HPN: variants seen among roughly 807,000 people sequenced by gnomAD.
The protein encoded by HPN is serine protease hepsin.
HPN carries 13 observed loss-of-function variants against 55.9 expected under a neutral mutation model. The observed-to-expected ratio is 0.23, with a 90% CI of 0.15 to 0.37. HPN has a LOEUF of 0.37. Ranked by LOEUF, HPN falls within the 10% of genes least tolerant of loss-of-function variation. The pLI is 1.00. For synonymous variants in HPN, 225 were observed against 240.3 expected (o/e 0.94, Z 0.59); for missense variants, 451 against 575.8 (o/e 0.78, Z 2.22).
Position 35,041,777 on chromosome 19 carries a change from C to G in HPN, c.-150C>G, listed in dbSNP as rs748094913. On this transcript the variant is annotated 5_prime_UTR_variant, in exon 1 of 13. Transcript: ENST00000672452. The stretch of plus-strand genomic sequence containing the variant: ...CCACCGCCTCTGCCTCCAGGCCGCC[C>G]GCTGCTGCGGGGCCACCATGCTCCT... The G allele has an allele frequency of 7.6e-7, 1 of 1,314,312 alleles. No homozygotes were observed. Among genetic ancestry groups the G allele is most frequent in the Admixed American group, 2.1e-5 (1 of 47,926 alleles). 81.4% of individuals were successfully genotyped at this position (1,314,312 alleles called of 1,614,324 possible).
At chr19:35,054,724 T>G (rs2064438439) in intron 4 of HPN, among the ~76,000 whole-genome samples, 1 of 152,162 alleles carries the variant, frequency 6.6e-6, no homozygotes, top group South Asian at 2.1e-4. Context: ...AGCCTCAGCT[T>G]CCCCGTCTGG....
At chr19:35,064,318 G>GTCTCTCTCTC (rs10577478) in intron 9 of HPN, among the ~76,000 whole-genome samples, 51 of 150,390 alleles carry the variant, frequency 3.4e-4, no homozygotes, top group African/African-American at 1.2e-3. Flanking sequence ...AGATAGGAGT[G>GTCTCTCTCTC]TCTCTCTCTC....
rs1205391818 is a variant in HPN, at chr19:35,041,781, G to A, written c.-146G>A. ...CGCCTCTGCCTCCAGGCCGCCCGCT[G>A]CTGCGGGGCCACCATGCTCCTGCCC... is the stretch of plus-strand genomic sequence containing the variant. On this transcript the variant is annotated 5_prime_UTR_variant, in exon 1 of 13. Transcript: ENST00000672452. 1 of 1,318,478 alleles carries A rather than the reference G, an allele frequency of 7.6e-7. No homozygotes were observed. Among genetic ancestry groups the A allele is most frequent in the South Asian group, 1.2e-5 (1 of 83,674 alleles). 81.7% of individuals were successfully genotyped at this position (1,318,478 alleles called of 1,614,324 possible).
chr19:35,050,131 G>C (rs1193338676), intron 4 of HPN, among the ~76,000 whole-genome samples: 1 of 151,882 alleles, frequency 6.6e-6, no homozygotes, highest in South Asian at 2.1e-4. Context: ...TTGTTTGTTT[G>C]TTTTAAAAAA....
intron 9 of HPN, among the ~76,000 whole-genome samples, chr19:35,063,593 CAGCTACTCTGGAGGCAGAGGCAGGAG>C (rs1270960980): frequency 6.6e-6 from 1 of 152,194 alleles, no homozygotes; most frequent in Non-Finnish European, 1.5e-5. Context: ...CCTGTAGTCT[CAGCTACTCTGGAGGCAGAGGCAGGAG>C]AATCACTTGA....
At position 35,059,961 on chromosome 19, in the gene HPN, C is replaced by T. The variant is rs1192391381; in HGVS notation, c.378C>T (p.Pro126=). 2 of 1,552,256 alleles carry T rather than the reference C, an allele frequency of 1.3e-6. No individual in the cohort carries two copies. The highest frequency in any genetic ancestry group is 2.3e-5 in the East Asian group (1 of 44,298). Residue 126 remains proline (P), a synonymous_variant, in exon 6 of 13, where the codon CCC becomes CCT. Coordinates refer to ENST00000672452, the MANE Select transcript of HPN (RefSeq NM_001384133.1). The stretch of plus-strand genomic sequence containing the variant: ...TCTGTGTGGACGAGGGGAGGCTGCC[C>T]CACACCCAGAGGCTGCTGGAGGTCA... ...GFFCVDEGRL[P]HTQRLLEVIS...
chr19:35,049,987 C>G (rs754472068), intron 4 of HPN, among the ~76,000 whole-genome samples: 1 of 151,798 alleles, frequency 6.6e-6, no homozygotes, highest in Non-Finnish European at 1.5e-5. Flanking sequence ...CAGCAGTTTG[C>G]CCCAGACTAC....
chr19:35,041,388 G>A (rs1600373463), upstream of HPN, among the ~76,000 whole-genome samples: 1 of 152,238 alleles, frequency 6.6e-6, no homozygotes, highest in East Asian at 1.9e-4. Context: ...CGCAGAAAGG[G>A]CGGGGGGAAG....
At chr19:35,046,671 G>C (rs2064345370) in intron 2 of HPN, among the ~76,000 whole-genome samples, 2 of 152,238 alleles carry the variant, frequency 1.3e-5, no homozygotes, top group African/African-American at 4.8e-5. Context: ...GGGTGCAGAT[G>C]GGCGAGCTGG....
chr19:35,060,537 T>C (rs1159274671), intron 8 of HPN, 25 bp downstream of exon 8: 2 of 1,611,838 alleles, frequency 1.2e-6, no homozygotes, highest in South Asian at 1.1e-5. Flanking sequence ...ATGGCGCTGA[T>C]GATGGGGAGG....
intron 11 of HPN, 53 bp from the exon 12 acceptor site, chr19:35,065,815 G>A (rs1399973024): frequency 1.2e-6 from 2 of 1,605,352 alleles, no homozygotes; most frequent in Non-Finnish European, 1.7e-6. Context: ...CCCGGGGTGG[G>A]CCTCCTGTCC....
intron 2 of HPN, among the ~76,000 whole-genome samples, chr19:35,044,005 A>G (rs1022156569): frequency 2.6e-5 from 4 of 152,170 alleles, no homozygotes. Context: ...ACAGATGCTG[A>G]AGGGTTCCGA....
intron 4 of HPN, among the ~76,000 whole-genome samples, chr19:35,053,473 C>T (rs750252777): frequency 1.3e-5 from 2 of 150,300 alleles, no homozygotes; most frequent in East Asian, 2.0e-4. Context: ...CAGGCCAGGC[C>T]GGTGCGGTGG....
chr19:35,059,698 G>A lies in HPN; in HGVS notation c.186G>A (p.Arg62=). Residue 62 remains arginine (R), a synonymous_variant, in exon 5 of 13, where the codon CGG becomes CGA. Coordinates refer to ENST00000672452, the MANE Select transcript of HPN (RefSeq NM_001384133.1). ...YPVQVSSADA[R]LMVFDKTEGT... The stretch of plus-strand genomic sequence containing the variant: ...TGCAGGTCAGCTCTGCGGACGCTCG[G>A]CTCATGGTCTTTGACAAGACGGAAG... 3 of 1,600,104 alleles carry A rather than the reference G, an allele frequency of 1.9e-6. No homozygotes were observed. Among genetic ancestry groups the A allele is most frequent in the Non-Finnish European group, 2.6e-6 (3 of 1,174,100 alleles).
chr19:35,047,648 C>T lies in HPN; in HGVS notation c.17-1642C>T, dbSNP rs559860170. Among the ~76,000 whole-genome samples, 83 of 151,410 alleles carry T rather than the reference C, an allele frequency of 5.5e-4. 1 individual carries two copies. Among genetic ancestry groups the T allele is most frequent in the Middle Eastern group, 6.9e-3 (2 of 290 alleles). ...CCGGAACCTAGAAAGGTGCCAGGCA[C>T]ACAGCGGATGTTCAGTAGGATGGTA... is the stretch of plus-strand genomic sequence containing the variant. On this transcript the variant is annotated intron_variant, in intron 2 of 12. Coordinates refer to ENST00000672452, the MANE Select transcript of HPN (RefSeq NM_001384133.1).
chr19:35,041,694 G>A, upstream of HPN: 6 of 78,640 alleles, frequency 7.6e-5, no homozygotes, highest in Non-Finnish European at 1.1e-4. Flanking sequence ...CCCTTCACCC[G>A]CCCCTCGCCC....
intron 4 of HPN, among the ~76,000 whole-genome samples, chr19:35,049,857 G>GTTTTTTTTTTTTTTTTTTTTT (rs1245207536): frequency 1.2e-5 from 1 of 82,710 alleles, no homozygotes; most frequent in African/African-American, 4.5e-5. Flanking sequence ...GCTAATTTTT[G>GTTTTTTTTTTTTTTTTTTTTT]TTTGTTTTTT....
At chr19:35,045,832 G>C (rs976589755) in intron 2 of HPN, among the ~76,000 whole-genome samples, 2 of 152,080 alleles carry the variant, frequency 1.3e-5, no homozygotes, top group Admixed American at 6.5e-5. Flanking sequence ...CTCTCATACT[G>C]GGGGAACCCC....
chr19:35,051,172 G>A (rs549361031), intron 4 of HPN, among the ~76,000 whole-genome samples: 3 of 152,156 alleles, frequency 2.0e-5, no homozygotes, highest in East Asian at 3.9e-4. Context: ...GCTGTGGCGC[G>A]ATCTTGGCTC....
Sources: allele counts gnomAD v4.1 joint callset (sites outside exome capture counted in the v4.1 genomes callset), GRCh38; gene constraint gnomAD v4.1.1; transcripts MANE v1.5; gene names NCBI Gene and HGNC (gene_info 2026-07-23, HGNC 2026-07-21).